CAMTA1: variants seen among roughly 807,000 people sequenced by gnomAD.
CAMTA1 encodes the protein calmodulin binding transcription activator 1.
In CAMTA1, 27 loss-of-function variants were observed where a neutral mutation model predicts 170.9. The ratio of observed to expected loss-of-function variants is 0.16; its 90% CI spans 0.12 to 0.22. The LOEUF is 0.22. CAMTA1 is among the 10% of genes least tolerant of loss of function. The pLI is 1.00. For synonymous variants in CAMTA1, 833 were observed against 891.5 expected, an observed-to-expected ratio of 0.93 and a Z score of 1.17; for missense variants, 1,619 against 2,217.2, an observed-to-expected ratio of 0.73 and a Z score of 5.42.
intron 4 of CAMTA1, among the ~76,000 whole-genome samples, chr1:7,102,067 C>CACAT (rs1195546347): frequency 3.1e-5 from 4 of 127,458 alleles, no homozygotes; most frequent in Non-Finnish European, 3.4e-5. Context: ...CACACACACA[C>CACAT]ACAGCTTCCT....
At chr1:7,631,554 G>T (rs1439438786) in intron 6 of CAMTA1, among the ~76,000 whole-genome samples, 1 of 152,178 alleles carries the variant, frequency 6.6e-6, no homozygotes, top group East Asian at 1.9e-4. Context: ...CCCACTGGGA[G>T]GTATGTGCTG....
intron 3 of CAMTA1, among the ~76,000 whole-genome samples, chr1:6,892,644 A>G (rs1434941149): frequency 2.5e-5 from 3 of 121,690 alleles, no homozygotes; most frequent in African/African-American, 6.2e-5. Context: ...ATGCTTTTAT[A>G]TAAATTCTAT....
rs572280714 is a variant in CAMTA1 at position 7,458,028 on chromosome 1, G to C, written c.439-9802G>C. 2.0e-5 allele frequency among the ~76,000 whole-genome samples: 3 copies of C among 152,318 alleles called. 1 individual carries two copies. The South Asian group carries it at 6.2e-4, about 32-fold the overall frequency. Reference sequence around the variant, plus strand: ...GTCCTGCGCCTGCCTGGCGCTGCCTGGTTCTTCTGGCTGTTTCCCTCACCA... The same window carrying C: ...GTCCTGCGCCTGCCTGGCGCTGCCTCGTTCTTCTGGCTGTTTCCCTCACCA... On this transcript the variant is annotated intron_variant, in intron 5 of 22. Coordinates refer to ENST00000303635, the MANE Select transcript of CAMTA1 (RefSeq NM_015215.4).
chr1:7,145,490 C>T (rs1455474690), intron 4 of CAMTA1, among the ~76,000 whole-genome samples: 4 of 152,134 alleles, frequency 2.6e-5, no homozygotes, highest in Admixed American at 6.5e-5. Context: ...AAATGGAAAT[C>T]GAGACGGGAA....
chr1:7,262,430 C>T (rs1428618494), intron 5 of CAMTA1, among the ~76,000 whole-genome samples: 2 of 152,048 alleles, frequency 1.3e-5, no homozygotes, highest in African/African-American at 4.8e-5. Context: ...GGCGTGGTGG[C>T]GCAAGCCTGT....
chr1:7,468,904 T>C (rs1352058064), intron 6 of CAMTA1, among the ~76,000 whole-genome samples: 1 of 151,498 alleles, frequency 6.6e-6, no homozygotes, highest in African/African-American at 2.4e-5. Flanking sequence ...GAGAAAAGAG[T>C]CACACATGCC....
At chr1:6,886,017 A>G (rs991678671) in intron 3 of CAMTA1, among the ~76,000 whole-genome samples, 1 of 151,882 alleles carries the variant, frequency 6.6e-6, no homozygotes, top group African/African-American at 2.4e-5. Flanking sequence ...GCATATTGTG[A>G]TTTATCTCTG....
intron 3 of CAMTA1, among the ~76,000 whole-genome samples, chr1:6,915,526 T>C (rs558565879): frequency 6.6e-6 from 1 of 152,302 alleles, no homozygotes; most frequent in African/African-American, 2.4e-5. Context: ...GGAAGGGTTT[T>C]AGTGGAGCCA....
chr1:7,671,087 A>C (rs1319014145), intron 10 of CAMTA1, 50 bp downstream of exon 10: 1 of 1,599,972 alleles, frequency 6.3e-7, no homozygotes, highest in Non-Finnish European at 8.5e-7. Flanking sequence ...TGGCCTGAGG[A>C]GCACTGGACT....
intron 5 of CAMTA1, among the ~76,000 whole-genome samples, chr1:7,304,124 A>C (rs564137459): frequency 5.3e-5 from 8 of 152,278 alleles, no homozygotes; most frequent in African/African-American, 1.9e-4. Context: ...GATGATGAAA[A>C]GTTTAGGAAA....
chr1:7,122,320 T>A lies in CAMTA1; in HGVS notation c.302+30949T>A, dbSNP rs189468046. 7.9e-5 allele frequency among the ~76,000 whole-genome samples: 12 copies of A among 152,092 alleles called. 1 individual carries two copies. The highest frequency in any genetic ancestry group is 7.2e-4 in the Admixed American group (11 of 15,280). ...TGCACAGCCACGTGCACCCCAGGGA[T>A]GAGTGAGAAGCCACCCCCACCCCTA... On this transcript the variant is annotated intron_variant, in intron 4 of 22. Transcript: ENST00000303635.
At chr1:7,191,508 T>C (rs983598066) in intron 4 of CAMTA1, among the ~76,000 whole-genome samples, 6 of 152,216 alleles carry the variant, frequency 3.9e-5, no homozygotes, top group African/African-American at 1.4e-4. Flanking sequence ...TGGCACCATC[T>C]TTTTTACACC....
chr1:6,865,966 T>TA (rs1426799936), intron 3 of CAMTA1, among the ~76,000 whole-genome samples: 4 of 152,182 alleles, frequency 2.6e-5, no homozygotes, highest in Non-Finnish European at 5.9e-5. Context: ...TCTTGGCATT[T>TA]AAAAAAATGT....
chr1:7,648,302 G>A (rs753480848), intron 7 of CAMTA1, among the ~76,000 whole-genome samples: 8 of 151,694 alleles, frequency 5.3e-5, no homozygotes, highest in Non-Finnish European at 7.4e-5. Flanking sequence ...TGAGGCAGGA[G>A]AATCACTTGA....
chr1:7,620,353 T>C (rs1273825828), intron 6 of CAMTA1, among the ~76,000 whole-genome samples: 1 of 152,154 alleles, frequency 6.6e-6, no homozygotes, highest in Non-Finnish European at 1.5e-5. Flanking sequence ...TCTACAGTTG[T>C]GAGGCTGAGA....
chr1:7,259,255 C>T (rs1476500918), intron 5 of CAMTA1, among the ~76,000 whole-genome samples: 4 of 152,198 alleles, frequency 2.6e-5, no homozygotes, highest in African/African-American at 9.7e-5. Context: ...GGTTTTTCTC[C>T]TGGACAGATG....
At chr1:7,688,256 C>T (rs562005677) in intron 11 of CAMTA1, among the ~76,000 whole-genome samples, 4 of 152,060 alleles carry the variant, frequency 2.6e-5, no homozygotes, top group African/African-American at 4.8e-5. Context: ...CCACCTGCCT[C>T]GGCCTCCCAA....
intron 3 of CAMTA1, among the ~76,000 whole-genome samples, chr1:6,964,019 T>C (rs2149539658): frequency 6.8e-6 from 1 of 147,030 alleles, no homozygotes. Context: ...GGGTGCCTGG[T>C]TAGGGGTACA....
chr1:6,949,713 C>A (rs1326483109), intron 3 of CAMTA1, among the ~76,000 whole-genome samples: 1 of 152,258 alleles, frequency 6.6e-6, no homozygotes, highest in Non-Finnish European at 1.5e-5. Flanking sequence ...GAGCCCCAAT[C>A]TTCTCACTGT....
Sources: gnomAD v4.1 joint callset for allele counts (sites outside exome capture counted in the v4.1 genomes callset) on GRCh38, gnomAD v4.1.1 for gene constraint, MANE v1.5 for transcripts, NCBI Gene and HGNC (gene_info 2026-07-23, HGNC 2026-07-21) for gene names.